KTN1: variants seen among roughly 807,000 people sequenced by gnomAD.
KTN1 encodes the protein kinectin.
A neutral mutation model predicts 222.5 loss-of-function variants in KTN1; 130 were observed. The ratio of observed to expected loss-of-function variants is 0.58; its 90% CI spans 0.51 to 0.68. The LOEUF (loss-of-function observed/expected upper bound fraction) is 0.68. KTN1 is among the 30% of genes least tolerant of loss of function. The pLI is 0.00. For synonymous variants in KTN1, 512 were observed against 496.3 expected (o/e 1.03, Z -0.42); for missense variants, 1,508 against 1,500.4 (o/e 1.01, Z -0.08).
intron 1 of KTN1, among the ~76,000 whole-genome samples, chr14:55,602,600 G>A (rs1238143321): frequency 7.8e-6 from 1 of 127,822 alleles, no homozygotes; most frequent in African/African-American, 3.0e-5. Context: ...TTTTTTTTTT[G>A]AGAGAGGGTC....
chr14:55,654,850 C>G (rs2043304239), intron 28 of KTN1, among the ~76,000 whole-genome samples: 1 of 151,930 alleles, frequency 6.6e-6, no homozygotes, highest in Non-Finnish European at 1.5e-5. Context: ...CCTGTGTATC[C>G]CTCCCTCCCT....
Position 55,656,096 on chromosome 14 carries a change from G to A in KTN1, c.2856G>A (p.Arg952=), listed in dbSNP as rs1224464750. The A allele has an allele frequency of 6.2e-7, 1 of 1,610,578 alleles. No individual in the cohort carries two copies. The highest frequency in any genetic ancestry group is 1.3e-5 in the African/African-American group (1 of 74,810). ...LKRLEAMLKE[R]ESDLSSKTQL... Reference sequence around the variant, plus strand: ...GGTTAGAAGCCATGCTAAAAGAGAGGGAGAGTGATCTTTCTAGCAAAACAC... The same window carrying A: ...GGTTAGAAGCCATGCTAAAAGAGAGAGAGAGTGATCTTTCTAGCAAAACAC... Residue 952 remains arginine, a synonymous_variant, in exon 29 of 44, where the codon AGG becomes AGA. Coordinates refer to ENST00000395314, the MANE Select transcript of KTN1 (RefSeq NM_001079521.2).
At chr14:55,656,206 C>A in intron 29 of KTN1, 74 bp downstream of exon 29, 2 of 1,023,874 alleles carry the variant, frequency 2.0e-6, no homozygotes, top group Non-Finnish European at 2.9e-6. Context: ...TTTTTAACTG[C>A]TGCCAAAAAA....
At chr14:55,645,725 T>G (rs2042218919) in intron 18 of KTN1, among the ~76,000 whole-genome samples, 1 of 152,160 alleles carries the variant, frequency 6.6e-6, no homozygotes, top group Non-Finnish European at 1.5e-5. Flanking sequence ...CTGTGCCTCC[T>G]ACAAAACAAT....
At position 55,634,628 on chromosome 14, in the gene KTN1, G is replaced by C. The variant is rs1024067339; in HGVS notation, c.1431G>C (p.Lys477Asn). Residue 477 changes from lysine (K) to asparagine (N), a missense_variant, in exon 9 of 44, where the codon AAG becomes AAC. By Grantham distance (94) the Lys-to-Asn change is moderately conservative (BLOSUM62 0). Coordinates refer to ENST00000395314, the MANE Select transcript of KTN1 (RefSeq NM_001079521.2). ...TACAGCAAGAGGAAGTCCAAAAGAAGAATGCTGAGCAAGCAGCTACTCAGT... is the reference window on the plus strand; with the variant it reads ...TACAGCAAGAGGAAGTCCAAAAGAACAATGCTGAGCAAGCAGCTACTCAGT... ...GKLQQEEVQK[K>N]NAEQAATQLK... 6.2e-7 allele frequency: 1 copy of C among 1,613,664 alleles called. No homozygotes were observed. The highest frequency in any genetic ancestry group is 1.3e-5 in the African/African-American group (1 of 75,016).
intron 43 of KTN1, chr14:55,681,936 C>T (rs538240420): frequency 3.3e-5 from 5 of 152,198 alleles, no homozygotes; most frequent in South Asian, 4.2e-4. Flanking sequence ...CCTGTATACT[C>T]TATTTAAACT....
intron 1 of KTN1, among the ~76,000 whole-genome samples, chr14:55,590,786 C>T (rs774889853): frequency 2.6e-5 from 4 of 152,044 alleles, no homozygotes; most frequent in Non-Finnish European, 2.9e-5. Flanking sequence ...AGCGATTTTC[C>T]TGCATCAGCC....
At chr14:55,650,671 AT>A in intron 24 of KTN1, 34 bp downstream of exon 24, 1 of 1,482,758 alleles carries the variant, frequency 6.7e-7, no homozygotes, top group Non-Finnish European at 9.3e-7. Flanking sequence ...TGACAGATTT[AT>A]TAGTTGTGTT....
At chr14:55,612,594 T>G (rs756072906) in intron 2 of KTN1, 23 bp downstream of exon 2, 1 of 1,529,756 alleles carries the variant, frequency 6.5e-7, no homozygotes, top group East Asian at 2.3e-5. Flanking sequence ...ATTTAATCTA[T>G]TTAATTTTAT....
intron 21 of KTN1, among the ~76,000 whole-genome samples, chr14:55,649,335 A>C (rs2042704010): frequency 1.3e-5 from 2 of 148,792 alleles, no homozygotes; most frequent in South Asian, 4.4e-4. Context: ...AATGATAATC[A>C]GTAATAGAGG....
intron 22 of KTN1, among the ~76,000 whole-genome samples, 163 bp downstream of exon 22, chr14:55,649,976 T>G (rs1279543889): frequency 2.7e-5 from 4 of 149,886 alleles, no homozygotes; most frequent in African/African-American, 7.3e-5. Context: ...AGCTGTGCTT[T>G]CCCAAATTCA....
At chr14:55,675,199 C>T (rs1595302351) in intron 40 of KTN1, 1 of 152,194 alleles carries the variant, frequency 6.6e-6, no homozygotes, top group Non-Finnish European at 1.5e-5. Flanking sequence ...TTTCCTTGCT[C>T]ATATTTAATT....
intron 18 of KTN1, among the ~76,000 whole-genome samples, chr14:55,642,972 C>A (rs768965748): frequency 1.3e-5 from 2 of 151,528 alleles, no homozygotes; most frequent in Non-Finnish European, 2.9e-5. Flanking sequence ...TTCAGTAGCA[C>A]TATCTTGGCT....
chr14:55,678,467 G>C (rs2046075831), intron 42 of KTN1, 23 bp downstream of exon 42: 1 of 1,434,156 alleles, frequency 7.0e-7, no homozygotes. Flanking sequence ...TTCATCCCCA[G>C]ATCTCTGAGC....
intron 5 of KTN1, 47 bp from the exon 6 acceptor site, chr14:55,627,865 A>C: frequency 9.4e-7 from 1 of 1,061,708 alleles, no homozygotes; most frequent in Non-Finnish European, 1.5e-6. Flanking sequence ...AATTTTTATT[A>C]GCCCATGGTA....
chr14:55,674,968 T>C (rs1467465442), intron 40 of KTN1: 1 of 152,204 alleles, frequency 6.6e-6, no homozygotes, highest in African/African-American at 2.4e-5. Flanking sequence ...CAGAATTTAT[T>C]TGGGTACTTA....
chr14:55,662,992 C>G (rs1394090675), intron 32 of KTN1: 1 of 455,852 alleles, frequency 2.2e-6, no homozygotes, highest in South Asian at 1.5e-5. Flanking sequence ...CAGCAGATAG[C>G]AGTGTCAGTC....
chr14:55,631,047 G>A (rs1594956805), intron 7 of KTN1, among the ~76,000 whole-genome samples: 1 of 151,890 alleles, frequency 6.6e-6, no homozygotes, highest in African/African-American at 2.4e-5. Flanking sequence ...TTTACAGTCT[G>A]TCTTTTGTAT....
chr14:55,636,415 C>T, intron 9 of KTN1, 34 bp from the exon 10 acceptor site: 2 of 1,491,412 alleles, frequency 1.3e-6, no homozygotes, highest in Non-Finnish European at 1.9e-6. Flanking sequence ...TGTGTTTGTG[C>T]TAATTTATCC....
Sources: gnomAD v4.1 joint callset for allele counts (sites outside exome capture counted in the v4.1 genomes callset) on GRCh38, gnomAD v4.1.1 for gene constraint, MANE v1.5 for transcripts, NCBI Gene and HGNC (gene_info 2026-07-23, HGNC 2026-07-21) for gene names.